Variants in AASS observed in about 807,000 individuals in gnomAD.
The protein encoded by AASS is alpha-aminoadipic semialdehyde synthase, mitochondrial.
AASS carries 86 observed loss-of-function variants against 105.4 expected under a neutral mutation model. The ratio of observed to expected loss-of-function variants is 0.82; its 90% CI spans 0.69 to 0.98. The LOEUF (loss-of-function observed/expected upper bound fraction) is 0.98. Ranked by LOEUF, AASS falls within the 50% of genes least tolerant of loss-of-function variation. The probability of loss-of-function intolerance (pLI) is 0.00; values close to 1 mark genes in which losing one functional copy is unlikely to be tolerated. For synonymous variants in AASS, 381 were observed against 394.8 expected (o/e 0.96, Z 0.41); for missense variants, 1,048 against 1,143.2 (o/e 0.92, Z 1.20).
At chr7:122,098,628 T>C (rs757849685) in intron 14 of AASS, 52 bp from the exon 15 acceptor site, 2 of 1,584,644 alleles carry the variant, frequency 1.3e-6, no homozygotes, top group Non-Finnish European at 1.7e-6. Flanking sequence ...GTAAAATATA[T>C]TTTAACATCT....
Position 122,098,461 on chromosome 7 carries a change from A to G in AASS, c.1644T>C (p.Asp548=), listed in dbSNP as rs1162882190. 6.2e-7 allele frequency: 1 copy of G among 1,612,228 alleles called. No individual in the cohort carries two copies. Among genetic ancestry groups the G allele is most frequent in the Non-Finnish European group, 8.5e-7 (1 of 1,178,774 alleles). ...TGCCAGATACTGACCTGATGACAAG[A>G]TCCTGTTTTGCCACCAAGAAGCCCA... ...EKLGFLVAKQ[D]LVISLLPYVL... is the part of the protein sequence containing the mutation. The change falls in exon 15 of 24, where the codon GAT becomes GAC. Residue 548 remains aspartate, a synonymous_variant. Transcript: ENST00000417368.
chr7:122,142,299 G>A (rs1796438450), intron 1 of AASS, among the ~76,000 whole-genome samples: 1 of 152,082 alleles, frequency 6.6e-6, no homozygotes, highest in Admixed American at 6.5e-5. Context: ...TTTAAGAAAA[G>A]AAAAAGCCTC....
chr7:122,115,364 C>A, intron 8 of AASS, 142 bp from the exon 9 acceptor site: 1 of 1,150,718 alleles, frequency 8.7e-7, no homozygotes. Flanking sequence ...TGTCAGTGTC[C>A]ATCTTTTGAG....
chr7:122,090,517 T>C (rs1793847295), intron 18 of AASS, among the ~76,000 whole-genome samples: 1 of 152,178 alleles, frequency 6.6e-6, no homozygotes, highest in African/African-American at 2.4e-5. Context: ...TCTTTCTCTC[T>C]ACTCCTGAAA....
chr7:122,085,529 G>A (rs937417334), intron 19 of AASS, among the ~76,000 whole-genome samples: 1 of 151,928 alleles, frequency 6.6e-6, no homozygotes, highest in Non-Finnish European at 1.5e-5. Context: ...TCCAGTTCTA[G>A]GACATATAAC....
intron 23 of AASS, among the ~76,000 whole-genome samples, chr7:122,077,464 T>C (rs1280633807): frequency 6.6e-6 from 1 of 152,182 alleles, no homozygotes; most frequent in Admixed American, 6.5e-5. Context: ...GAAGTTACCA[T>C]TCCCTGGGGA....
intron 4 of AASS, among the ~76,000 whole-genome samples, chr7:122,118,937 A>C (rs1795318147): frequency 6.6e-6 from 1 of 152,122 alleles, no homozygotes; most frequent in Admixed American, 6.6e-5. Flanking sequence ...TCACCCAAGG[A>C]ATTTATTACT....
In AASS at chr7:122,101,420, C is replaced by A; in HGVS notation, c.1357G>T (p.Gly453Cys). ...TATTTATATTTATCAGGTAATGTAC[C>A]GTTGGATGTAATCACTGCCTAAATG... ...VVRDAVITSN[G>C]TLPDKYKYIQ... The change falls in exon 13 of 24, where the codon GGT (glycine) becomes TGT (cysteine). Residue 453 changes from glycine (G) to cysteine (C), a missense_variant. By Grantham distance (159) the Gly-to-Cys change is radical. Transcript: ENST00000417368. 2.5e-6 allele frequency: 4 copies of A among 1,610,246 alleles called. No individual in the cohort carries two copies. Among genetic ancestry groups the A allele is most frequent in the Non-Finnish European group, 3.4e-6 (4 of 1,177,194 alleles).
intron 1 of AASS, among the ~76,000 whole-genome samples, chr7:122,134,753 G>T (rs1326788072): frequency 9.5e-6 from 1 of 105,794 alleles, no homozygotes; most frequent in African/African-American, 3.8e-5. Context: ...AATACCATTT[G>T]ACCCAGCCAT....
At chr7:122,138,263 G>T (rs926087843) in intron 1 of AASS, among the ~76,000 whole-genome samples, 1 of 152,092 alleles carries the variant, frequency 6.6e-6, no homozygotes, top group South Asian at 2.1e-4. Context: ...AGTAGACCCT[G>T]TTTATCTGTG....
chr7:122,140,485 C>CAAAAAAAAAAAAAAAAAAA lies in AASS; in HGVS notation c.-16+3657_-16+3675dup, dbSNP rs57828681. ...TGGGCGACAGAGCGAGACTCAGTCT[C>CAAAAAAAAAAAAAAAAAAA]AAAAAAAAAAAAAAAAAAAAAAAGA... On this transcript the variant is annotated intron_variant, in intron 1 of 23. Transcript: ENST00000417368. 3.0e-3 allele frequency among the ~76,000 whole-genome samples: 113 copies of CAAAAAAAAAAAAAAAAAAA among 37,304 alleles called. 7 individuals carry two copies. The highest frequency in any genetic ancestry group is 8.2e-3 in the East Asian group (9 of 1,094). The allele number at this position is 37,304 out of a possible 152,430, so 24.5% of individuals were successfully genotyped here. A position where few individuals can be genotyped will look rare whatever the true frequency, so the allele number is the denominator to read the frequency against.
rs747867276 is a variant in AASS at position 122,091,785 on chromosome 7, G to A, written c.1934C>T (p.Pro645Leu). ...GLPAPEHSNN[P>L]LRYKFSWSPV... ...ACTCCAGCTAAATTTATATCTCAAT[G>A]GATTGTTTGAATGTTCAGGGGCTGG... is the stretch of plus-strand genomic sequence containing the variant. Residue 645 changes from proline to leucine, a missense_variant, in exon 18 of 24, where the codon CCA (proline) becomes CTA (leucine). By Grantham distance (98) the Pro-to-Leu change is moderately conservative. Transcript: ENST00000417368. 30 of 1,613,290 alleles carry A rather than the reference G, an allele frequency of 1.9e-5. 1 individual carries two copies. In the Admixed American group the frequency reaches 2.0e-4, roughly 11 times the overall value.
At chr7:122,135,545 C>G (rs1796103903) in intron 1 of AASS, among the ~76,000 whole-genome samples, 3 of 152,152 alleles carry the variant, frequency 2.0e-5, no homozygotes, top group South Asian at 2.1e-4. Flanking sequence ...TTCAGTCAAT[C>G]AAGAAATAGT....
At chr7:122,107,921 C>T (rs766870503) in intron 11 of AASS, among the ~76,000 whole-genome samples, 17 of 125,908 alleles carry the variant, frequency 1.4e-4, no homozygotes, top group Non-Finnish European at 2.6e-4. Flanking sequence ...GCTTCTGCAA[C>T]ATTATTGCAT....
At chr7:122,107,028 C>A (rs1584856707) in intron 11 of AASS, among the ~76,000 whole-genome samples, 1 of 151,750 alleles carries the variant, frequency 6.6e-6, no homozygotes, top group East Asian at 1.9e-4. Flanking sequence ...TCTATAAAAA[C>A]TTAAATTTAC....
At chr7:122,098,327 C>T in intron 15 of AASS, 123 bp downstream of exon 15, 2 of 1,026,240 alleles carry the variant, frequency 1.9e-6, no homozygotes, top group Admixed American at 2.1e-5. Flanking sequence ...ACCTTCTGGA[C>T]CCATACTTCA....
At chr7:122,141,457 T>C (rs1227602090) in intron 1 of AASS, among the ~76,000 whole-genome samples, 1 of 152,140 alleles carries the variant, frequency 6.6e-6, no homozygotes, top group Admixed American at 6.5e-5. Flanking sequence ...AAACTGCAAA[T>C]GTGTATGAGT....
intron 6 of AASS, 115 bp downstream of exon 6, chr7:122,118,192 G>T: frequency 1.7e-6 from 2 of 1,155,012 alleles, no homozygotes; most frequent in Non-Finnish European, 2.5e-6. Context: ...TAAGAAAAGT[G>T]CCTAAAATAG....
rs60341077 is a variant in AASS, at chr7:122,104,458, T to C, written c.1279-2778A>G. On this transcript the variant is annotated intron_variant, in intron 11 of 23. Coordinates refer to ENST00000417368, the MANE Select transcript of AASS (RefSeq NM_005763.4). The stretch of plus-strand genomic sequence containing the variant: ...TAAAAATACAAACATTAGCCAGGCT[T>C]GGTGGTGGGCACCTGTAATCCCATC... Among the ~76,000 whole-genome samples the C allele has an allele frequency of 4.3e-3, 647 of 152,082 alleles. 7 individuals carry two copies. Among genetic ancestry groups the C allele is most frequent in the African/African-American group, 0.015 (617 of 41,498 alleles).
Sources: allele counts gnomAD v4.1 joint callset (sites outside exome capture counted in the v4.1 genomes callset), GRCh38; gene constraint gnomAD v4.1.1; transcripts MANE v1.5; gene names NCBI Gene and HGNC (gene_info 2026-07-23, HGNC 2026-07-21).